Variants in ESR1 observed in about 807,000 individuals in gnomAD.
ESR1 encodes estrogen receptor 1.
A neutral mutation model predicts 52.7 loss-of-function variants in ESR1; 12 were observed. That is an observed-to-expected ratio of 0.23 (90% CI 0.15 to 0.37). ESR1 has a LOEUF of 0.37. ESR1 is among the 10% of genes least tolerant of loss of function. The pLI is 1.00. For synonymous variants in ESR1, 305 were observed against 316.8 expected (o/e 0.96, Z 0.39); for missense variants, 584 against 779.7 (o/e 0.75, Z 2.99).
chr6:151,875,482 C>T (rs1158475853), intron 2 of ESR1, among the ~76,000 whole-genome samples: 4 of 152,166 alleles, frequency 2.6e-5, no homozygotes, highest in Admixed American at 1.3e-4. Context: ...TGTGAGAATG[C>T]GCTGGGCTCA....
chr6:151,730,659 T>C (rs1177490984), intron 2 of ESR1, among the ~76,000 whole-genome samples: 4 of 152,182 alleles, frequency 2.6e-5, no homozygotes, highest in Non-Finnish European at 5.9e-5. Flanking sequence ...TGGTGTTTGC[T>C]CTAGTCAAGG....
At chr6:152,014,218 G>A (rs1584812536) in intron 5 of ESR1, among the ~76,000 whole-genome samples, 1 of 152,114 alleles carries the variant, frequency 6.6e-6, no homozygotes, top group Admixed American at 6.6e-5. Context: ...GTCTCAGGTA[G>A]GTCTTTATTA....
chr6:151,724,755 G>C (rs1781718055), intron 2 of ESR1, among the ~76,000 whole-genome samples: 1 of 152,110 alleles, frequency 6.6e-6, no homozygotes, highest in Non-Finnish European at 1.5e-5. Context: ...GGGGAAATTC[G>C]CCCAGCGTTA....
At chr6:151,738,636 A>G (rs1171519877) in intron 2 of ESR1, among the ~76,000 whole-genome samples, 1 of 152,208 alleles carries the variant, frequency 6.6e-6, no homozygotes, top group Non-Finnish European at 1.5e-5. Flanking sequence ...CCAAAATGAC[A>G]TCCCTCCAGC....
intron 2 of ESR1, among the ~76,000 whole-genome samples, chr6:151,770,826 A>G (rs1346499641): frequency 6.6e-6 from 1 of 152,134 alleles, no homozygotes; most frequent in East Asian, 1.9e-4. Flanking sequence ...AATCTACCTA[A>G]TCTATCACAT....
chr6:151,936,041 A>G (rs1168868463), intron 3 of ESR1: 1 of 152,190 alleles, frequency 6.6e-6, no homozygotes, highest in African/African-American at 2.4e-5. Context: ...TATCACATTT[A>G]ATAAAGAAAG....
At chr6:151,859,572 C>T (rs75172823) in intron 2 of ESR1, among the ~76,000 whole-genome samples, 2,168 of 152,246 alleles carry the variant, frequency 0.014, 55 homozygotes, top group African/African-American at 0.05. Context: ...TTAGCCTTAC[C>T]GCCACTCTTC....
chr6:151,904,415 C>T (rs1326934000), intron 3 of ESR1, among the ~76,000 whole-genome samples: 2 of 152,126 alleles, frequency 1.3e-5, no homozygotes, highest in African/African-American at 4.8e-5. Flanking sequence ...CTCAGTGTAA[C>T]ATCTTTACTG....
chr6:151,704,368 A>G (rs1780024064), intron 2 of ESR1, among the ~76,000 whole-genome samples: 1 of 152,066 alleles, frequency 6.6e-6, no homozygotes, highest in African/African-American at 2.4e-5. Context: ...CCTCCCAAGT[A>G]GCTGGGATTA....
intron 2 of ESR1, among the ~76,000 whole-genome samples, chr6:151,858,575 G>A (rs1379439853): frequency 6.8e-6 from 1 of 146,828 alleles, no homozygotes; most frequent in African/African-American, 2.6e-5. Context: ...CTTTGGATCC[G>A]TTCCTGTTTT....
chr6:151,867,012 G>T (rs1364593200), intron 2 of ESR1, among the ~76,000 whole-genome samples: 2 of 152,054 alleles, frequency 1.3e-5, no homozygotes, highest in Non-Finnish European at 2.9e-5. Context: ...CAAGCAATGG[G>T]GAAAGGATTC....
chr6:152,102,210 C>G lies in ESR1; in HGVS notation c.*3244C>G, dbSNP rs1294894697. The G allele has an allele frequency of 4.8e-6, 1 of 207,630 alleles. No individual in the cohort carries two copies. Among genetic ancestry groups the G allele is most frequent in the Non-Finnish European group, 9.8e-6 (1 of 101,650 alleles). The allele number at this position is 207,630 out of a possible 1,614,324, so 12.9% of individuals were successfully genotyped here. On this transcript the variant is annotated 3_prime_UTR_variant, in exon 8 of 8. Coordinates refer to ENST00000206249, the MANE Select transcript of ESR1 (RefSeq NM_000125.4). ...AAATAAGGGACTTACTGATAATTTA[C>G]TTTTGATCACATTAAGGTGTTCTCA...
intron 4 of ESR1, among the ~76,000 whole-genome samples, chr6:151,959,733 G>A (rs943856027): frequency 6.6e-6 from 1 of 151,916 alleles, no homozygotes; most frequent in Non-Finnish European, 1.5e-5. Flanking sequence ...AATTGCATTT[G>A]GTGAGAGCAA....
chr6:151,997,480 A>G (rs1478731085), intron 4 of ESR1, among the ~76,000 whole-genome samples: 1 of 152,130 alleles, frequency 6.6e-6, no homozygotes, highest in Non-Finnish European at 1.5e-5. Context: ...ATGAGTCAGA[A>G]GATACAAAGT....
intron 3 of ESR1, among the ~76,000 whole-genome samples, chr6:151,905,716 A>G (rs925222252): frequency 2.0e-5 from 3 of 152,226 alleles, no homozygotes; most frequent in Non-Finnish European, 4.4e-5. Context: ...GCATATAAGA[A>G]TTTAAGGAAA....
intron 4 of ESR1, among the ~76,000 whole-genome samples, chr6:151,956,404 C>G (rs2036919158): frequency 6.6e-6 from 1 of 152,210 alleles, no homozygotes; most frequent in South Asian, 2.1e-4. Flanking sequence ...TGTTATTACT[C>G]TCTGCCCATT....
chr6:152,114,379 T>C (rs2152514262), intron 6 of ESR1, among the ~76,000 whole-genome samples: 1 of 152,246 alleles, frequency 6.6e-6, no homozygotes, highest in East Asian at 1.9e-4. Context: ...AGGTCTCATT[T>C]GGACATCTCT....
chr6:152,008,621 G>C (rs1438652387), intron 4 of ESR1, among the ~76,000 whole-genome samples: 1 of 151,972 alleles, frequency 6.6e-6, no homozygotes, highest in Non-Finnish European at 1.5e-5. Context: ...CATATTGATC[G>C]GTTACATGGT....
At chr6:151,992,087 G>A (rs1168198282) in intron 4 of ESR1, among the ~76,000 whole-genome samples, 2 of 152,132 alleles carry the variant, frequency 1.3e-5, no homozygotes, top group Non-Finnish European at 2.9e-5. Flanking sequence ...CAACTCAACA[G>A]TGAGCTCTTT....
Sources: gnomAD v4.1 joint callset for allele counts (sites outside exome capture counted in the v4.1 genomes callset) on GRCh38, gnomAD v4.1.1 for gene constraint, MANE v1.5 for transcripts, NCBI Gene and HGNC (gene_info 2026-07-23, HGNC 2026-07-21) for gene names.